The following ZNF600 variants were observed in gnomAD, a reference collection of about 807,000 sequenced individuals.
ZNF600 encodes the protein zinc finger protein KR-ZNF1.
Under a neutral mutation model 7.3 loss-of-function variants are expected in ZNF600, and 4 were observed. The ratio of observed to expected loss-of-function variants is 0.55; its 90% CI spans 0.27 to 1.25. The LOEUF is 1.25. Among genes scored for constraint, ZNF600 ranks in the 50% most tolerant of loss-of-function variants. The probability of loss-of-function intolerance (pLI) is 0.12; values close to 1 mark genes in which losing one functional copy is unlikely to be tolerated. For missense variants in ZNF600, 911 were observed against 922.1 expected (o/e 0.99, Z 0.16); for synonymous variants, 290 against 308.9 (o/e 0.94, Z 0.64).
At chr19:52,832,549 C>T in the ZNF600 span, among the ~76,000 whole-genome samples, 1 of 151,898 alleles carries the variant, frequency 6.6e-6, no homozygotes, top group African/African-American at 2.4e-5. Context: ...CAGCTGAGAT[C>T]CCATCACTGC....
chr19:52,823,673 G>T, the ZNF600 span, among the ~76,000 whole-genome samples: 1 of 152,156 alleles, frequency 6.6e-6, no homozygotes, highest in East Asian at 1.9e-4. Flanking sequence ...AGGTACTATC[G>T]CCCTTGTAGT....
At chr19:52,771,363 T>TTTTTGAGA in intron 3 of ZNF600, among the ~76,000 whole-genome samples, 2 of 145,566 alleles carry the variant, frequency 1.4e-5, no homozygotes, top group African/African-American at 5.7e-5. Context: ...TTTTTGTCTG[T>TTTTTGAGA]CATGCTTCAT....
chr19:52,771,585 T>C (rs2062630552), intron 3 of ZNF600, among the ~76,000 whole-genome samples: 1 of 152,084 alleles, frequency 6.6e-6, no homozygotes, highest in Non-Finnish European at 1.5e-5. Flanking sequence ...ATGATTCTCC[T>C]ATAGGTCTCA....
intron 3 of ZNF600, among the ~76,000 whole-genome samples, chr19:52,769,327 G>A (rs554177066): frequency 1.3e-4 from 20 of 152,264 alleles, no homozygotes; most frequent in Non-Finnish European, 2.1e-4. Context: ...TTCGTGTTCC[G>A]TCCTGTACAC....
chr19:52,800,980 G>A, the ZNF600 span: 5 of 1,614,032 alleles, frequency 3.1e-6, no homozygotes, highest in Middle Eastern at 1.6e-4. Context: ...AGCGCCTTGT[G>A]AAGGAAGAGG....
intron 1 of ZNF600, among the ~76,000 whole-genome samples, chr19:52,779,122 C>A (rs2062700227): frequency 6.6e-6 from 1 of 152,188 alleles, no homozygotes; most frequent in Admixed American, 6.5e-5. Flanking sequence ...GGAGAAGCCC[C>A]CACACACTAG....
At chr19:52,791,981 C>A in the ZNF600 span, among the ~76,000 whole-genome samples, 930 of 152,342 alleles carry the variant, frequency 6.1e-3, 19 homozygotes, top group African/African-American at 0.021. Context: ...ATGACAAGCA[C>A]CTGCGCCACT....
the ZNF600 span, among the ~76,000 whole-genome samples, chr19:52,821,932 T>TAA: frequency 5.3e-5 from 8 of 149,818 alleles, no homozygotes; most frequent in Admixed American, 6.6e-5. Context: ...AAAAAAATAA[T>TAA]AAAAAAAAAA....
chr19:52,810,554 A>C, the ZNF600 span: 1 of 1,595,392 alleles, frequency 6.3e-7, no homozygotes, highest in Admixed American at 1.7e-5. Flanking sequence ...AGGCATCAGC[A>C]CAACAGACCG....
At chr19:52,787,531 C>CCT (rs1568638169), upstream of ZNF600, among the ~76,000 whole-genome samples, 2 of 147,876 alleles carry the variant, frequency 1.4e-5, no homozygotes, top group Non-Finnish European at 3.0e-5. Flanking sequence ...CTCAGCCTTT[C>CCT]GAGTAACTGG....
At chr19:52,802,461 C>T in the ZNF600 span, among the ~76,000 whole-genome samples, 10 of 152,114 alleles carry the variant, frequency 6.6e-5, no homozygotes, top group African/African-American at 9.7e-5. Flanking sequence ...AGGCAGATCA[C>T]CTCACGTCAG....
chr19:52,832,595 A>AAAAT, the ZNF600 span, among the ~76,000 whole-genome samples: 4 of 152,034 alleles, frequency 2.6e-5, no homozygotes, highest in Non-Finnish European at 5.9e-5. Context: ...ACTCCATCTC[A>AAAAT]AAATAAATAA....
At chr19:52,815,533 A>T in the ZNF600 span, among the ~76,000 whole-genome samples, 1 of 144,214 alleles carries the variant, frequency 6.9e-6, no homozygotes, top group Non-Finnish European at 1.5e-5. Flanking sequence ...AATAAATAAA[A>T]AAAATAACTG....
chr19:52,814,075 C>T, the ZNF600 span, among the ~76,000 whole-genome samples: 1 of 145,996 alleles, frequency 6.8e-6, no homozygotes, highest in African/African-American at 2.7e-5. Flanking sequence ...TCTTCTAAAG[C>T]CTCATAATGC....
At chr19:52,798,753 C>T in the ZNF600 span, 1 of 591,832 alleles carries the variant, frequency 1.7e-6, no homozygotes, top group East Asian at 5.0e-5. Context: ...AAAAATCTGT[C>T]ACATTTATTA....
intron 1 of ZNF600, among the ~76,000 whole-genome samples, chr19:52,780,299 G>A (rs1219590886): frequency 6.6e-6 from 1 of 152,188 alleles, no homozygotes; most frequent in Non-Finnish European, 1.5e-5. Context: ...AATGAGGGCT[G>A]TGGGAGATCA....
chr19:52,790,171 C>T (rs754705426), upstream of ZNF600, among the ~76,000 whole-genome samples: 20 of 152,294 alleles, frequency 1.3e-4, no homozygotes, highest in Non-Finnish European at 2.2e-4. Flanking sequence ...TGGGCGTATA[C>T]GTGCAAGTCA....
chr19:52,803,983 A>G, the ZNF600 span, among the ~76,000 whole-genome samples: 2 of 152,124 alleles, frequency 1.3e-5, no homozygotes, highest in African/African-American at 4.8e-5. Flanking sequence ...ATAAATAACT[A>G]CTTCTCAAAT....
chr19:52,779,307 G>A (rs1032925116), intron 1 of ZNF600, among the ~76,000 whole-genome samples: 8 of 152,288 alleles, frequency 5.3e-5, no homozygotes, highest in African/African-American at 1.9e-4. Context: ...AAGCACCTGC[G>A]CCACTGCAGG....
Sources: allele counts gnomAD v4.1 joint callset (sites outside exome capture counted in the v4.1 genomes callset), GRCh38; gene constraint gnomAD v4.1.1; transcripts MANE v1.5; gene names NCBI Gene and HGNC (gene_info 2026-07-23, HGNC 2026-07-21).